The following NRXN1 variants were observed in gnomAD, a reference collection of about 807,000 sequenced individuals.
The protein encoded by NRXN1 is neurexin 1, also known as neurexin-1.
Under a neutral mutation model 150.9 loss-of-function variants are expected in NRXN1, and 39 were observed. That is an observed-to-expected ratio of 0.26 (90% CI 0.20 to 0.34). NRXN1 has a LOEUF of 0.34. Ranked by LOEUF, NRXN1 falls within the 10% of genes least tolerant of loss-of-function variation. The pLI, the probability that NRXN1 is intolerant of heterozygous loss-of-function variation, is 1.00. For synonymous variants in NRXN1, 924 were observed against 757.0 expected (o/e 1.22, Z -3.62); for missense variants, 1,815 against 1,949.9 (o/e 0.93, Z 1.30).
intron 19 of NRXN1, among the ~76,000 whole-genome samples, 155 bp from the exon 20 acceptor site, chr2:50,055,199 GTCAT>G (rs948081724): frequency 1.3e-5 from 2 of 152,116 alleles, no homozygotes; most frequent in Non-Finnish European, 2.9e-5. Flanking sequence ...TTTCAGACTT[GTCAT>G]TCATTCATTT....
intron 8 of NRXN1, among the ~76,000 whole-genome samples, chr2:50,587,162 G>C (rs115564509): frequency 6.6e-6 from 1 of 152,298 alleles, no homozygotes; most frequent in Non-Finnish European, 1.5e-5. Flanking sequence ...AGTGAGCCTC[G>C]ATTTCCTCAT....
intron 2 of NRXN1, among the ~76,000 whole-genome samples, chr2:50,952,339 A>C (rs1691526093): frequency 6.6e-6 from 1 of 152,224 alleles, no homozygotes; most frequent in African/African-American, 2.4e-5. Context: ...CAAATACAAG[A>C]CAATTATAAA....
Position 50,175,120 on chromosome 2 carries a change from T to C in NRXN1, c.3546+61669A>G, listed in dbSNP as rs886773774. ...TGCTAGCATCTAAGCATGGGCCTCA[T>C]GATCCAATGCCCTTTCCACTTCACT... On this transcript the variant is annotated intron_variant, in intron 18 of 22. Transcript: ENST00000401669. 2.6e-5 allele frequency: 4 copies of C among 152,190 alleles called. No homozygotes were observed. The South Asian group carries it at 6.2e-4, about 24-fold the overall frequency. 9.4% of individuals were successfully genotyped at this position (152,190 alleles called of 1,614,324 possible). A position where few individuals can be genotyped will look rare whatever the true frequency, so the allele number is the denominator to read the frequency against.
chr2:50,776,453 A>G (rs1474892183), intron 5 of NRXN1, among the ~76,000 whole-genome samples: 1 of 152,016 alleles, frequency 6.6e-6, no homozygotes, highest in African/African-American at 2.4e-5. Context: ...AGCATTCATA[A>G]TTTTTAAATG....
intron 18 of NRXN1, among the ~76,000 whole-genome samples, chr2:50,207,256 A>G (rs2062666961): frequency 6.6e-6 from 1 of 151,748 alleles, no homozygotes; most frequent in African/African-American, 2.4e-5. Flanking sequence ...GTATGAATTT[A>G]CTAAGAGTAT....
At chr2:50,893,889 G>C (rs1266297579) in intron 5 of NRXN1, among the ~76,000 whole-genome samples, 1 of 152,106 alleles carries the variant, frequency 6.6e-6, no homozygotes. Context: ...TACTGAGAAT[G>C]ATGATTTCCA....
chr2:50,373,012 T>C (rs974347368), intron 17 of NRXN1, among the ~76,000 whole-genome samples: 5 of 152,102 alleles, frequency 3.3e-5, no homozygotes, highest in African/African-American at 1.2e-4. Context: ...CACAACACCA[T>C]TGTTCCTTAT....
At chr2:50,913,352 A>C (rs537621728) in intron 5 of NRXN1, among the ~76,000 whole-genome samples, 31 of 151,834 alleles carry the variant, frequency 2.0e-4, no homozygotes, top group Admixed American at 5.3e-4. Context: ...AGCCCAATCT[A>C]AATTTGATTG....
intron 5 of NRXN1, among the ~76,000 whole-genome samples, chr2:50,873,791 TTA>T (rs1678157139): frequency 6.6e-6 from 1 of 151,870 alleles, no homozygotes; most frequent in Non-Finnish European, 1.5e-5. Context: ...TTTTCTGTAT[TTA>T]TGGCCAAGAG....
chr2:50,964,066 A>C (rs998094194), intron 2 of NRXN1: 14 of 384,716 alleles, frequency 3.6e-5, no homozygotes, highest in South Asian at 2.8e-4. Flanking sequence ...TGAAGGTATT[A>C]AGATCCAGTT....
chr2:49,998,756 G>A (rs1683414836), intron 21 of NRXN1, among the ~76,000 whole-genome samples: 1 of 152,022 alleles, frequency 6.6e-6, no homozygotes. Context: ...CTTAGGGATT[G>A]CTGTGGTGTA....
chr2:50,902,944 G>A (rs888572512), intron 5 of NRXN1, among the ~76,000 whole-genome samples: 4 of 152,022 alleles, frequency 2.6e-5, no homozygotes, highest in African/African-American at 7.2e-5. Context: ...AAATGATAAG[G>A]AAGGGAAGAG....
chr2:50,749,305 T>C (rs560507603), intron 5 of NRXN1, among the ~76,000 whole-genome samples: 3 of 152,234 alleles, frequency 2.0e-5, no homozygotes, highest in Non-Finnish European at 4.4e-5. Flanking sequence ...TTCTGCATTG[T>C]TCAGAATTGG....
intron 8 of NRXN1, among the ~76,000 whole-genome samples, chr2:50,566,735 G>A (rs940918505): frequency 6.6e-6 from 1 of 152,112 alleles, no homozygotes; most frequent in Non-Finnish European, 1.5e-5. Flanking sequence ...CAGTAACTAG[G>A]TGACTGAGCA....
chr2:50,574,843 C>T (rs2105481734), intron 8 of NRXN1, among the ~76,000 whole-genome samples: 1 of 152,328 alleles, frequency 6.6e-6, no homozygotes, highest in South Asian at 2.1e-4. Context: ...GCTAGCTGGG[C>T]AGCCATTTGA....
At chr2:50,266,886 A>C (rs1394400340) in intron 17 of NRXN1, among the ~76,000 whole-genome samples, 1 of 152,200 alleles carries the variant, frequency 6.6e-6, no homozygotes, top group Non-Finnish European at 1.5e-5. Context: ...TGGATAAACA[A>C]GTATAGAAAA....
intron 8 of NRXN1, among the ~76,000 whole-genome samples, chr2:50,557,369 G>A (rs1231203799): frequency 6.6e-6 from 1 of 152,122 alleles, no homozygotes; most frequent in Non-Finnish European, 1.5e-5. Flanking sequence ...CAAAGTTAGT[G>A]TTGTTTAGAT....
At chr2:50,375,377 T>C (rs1572731290) in intron 17 of NRXN1, among the ~76,000 whole-genome samples, 1 of 150,888 alleles carries the variant, frequency 6.6e-6, no homozygotes. Context: ...TTTTAATAAC[T>C]AGCTATTATT....
At chr2:50,567,246 A>G (rs1670013567) in intron 8 of NRXN1, among the ~76,000 whole-genome samples, 1 of 152,224 alleles carries the variant, frequency 6.6e-6, no homozygotes, top group South Asian at 2.1e-4. Flanking sequence ...AATGAGGTTT[A>G]ACACTAGGAT....
Sources: gnomAD v4.1 joint callset for allele counts (sites outside exome capture counted in the v4.1 genomes callset) on GRCh38, gnomAD v4.1.1 for gene constraint, MANE v1.5 for transcripts, NCBI Gene and HGNC (gene_info 2026-07-23, HGNC 2026-07-21) for gene names.